Variants in DLGAP2 observed in about 807,000 individuals in gnomAD.
DLGAP2 encodes disks large-associated protein 2.
DLGAP2 carries 26 observed loss-of-function variants against 100.3 expected under a neutral mutation model. The ratio of observed to expected loss-of-function variants is 0.26; its 90% CI spans 0.19 to 0.36. The LOEUF is 0.36. Among genes scored for constraint, DLGAP2 ranks in the 10% least tolerant of loss-of-function variants. The pLI is 1.00. For missense variants in DLGAP2, 1,858 were observed against 1,453.2 expected, an observed-to-expected ratio of 1.28 and a Z score of -4.53; for synonymous variants, 886 against 630.1, an observed-to-expected ratio of 1.41 and a Z score of -6.08.
intron 4 of DLGAP2, 64 bp downstream of exon 4, chr8:1,501,495 C>T: frequency 6.8e-7 from 1 of 1,474,482 alleles, no homozygotes. Context: ...GCTCCGGGCA[C>T]CTCCCATCAT....
At chr8:1,022,843 G>C (rs1165949717) in intron 2 of DLGAP2, among the ~76,000 whole-genome samples, 1 of 152,196 alleles carries the variant, frequency 6.6e-6, no homozygotes, top group Non-Finnish European at 1.5e-5. Context: ...TGCCGAGGTA[G>C]ACACTCCTTC....
chr8:761,474 T>A (rs975528345), intron 1 of DLGAP2, among the ~76,000 whole-genome samples: 24 of 152,226 alleles, frequency 1.6e-4, no homozygotes, highest in African/African-American at 5.8e-4. Context: ...TTCTGTAAGA[T>A]TGTAGTTTTT....
intron 3 of DLGAP2, among the ~76,000 whole-genome samples, chr8:1,458,034 A>G (rs1176610669): frequency 7.0e-6 from 1 of 143,246 alleles, no homozygotes; most frequent in Non-Finnish European, 1.5e-5. Context: ...ATGTGTGTAT[A>G]TATAATTATA....
intron 3 of DLGAP2, among the ~76,000 whole-genome samples, chr8:1,268,462 G>T (rs1157516417): frequency 6.6e-6 from 1 of 152,228 alleles, no homozygotes; most frequent in East Asian, 1.9e-4. Flanking sequence ...ATTTAATGTG[G>T]GATAGCGTCT....
intron 2 of DLGAP2, among the ~76,000 whole-genome samples, chr8:941,577 T>C (rs530902065): frequency 9.2e-5 from 14 of 152,268 alleles, no homozygotes; most frequent in South Asian, 6.2e-4. Context: ...ACAGGCGCTA[T>C]TGGAAAAAAT....
intron 6 of DLGAP2, among the ~76,000 whole-genome samples, chr8:1,591,840 C>T (rs952363981): frequency 6.6e-6 from 1 of 152,166 alleles, no homozygotes; most frequent in Non-Finnish European, 1.5e-5. Flanking sequence ...CTGAAGCCCT[C>T]GCTTGGCCTC....
chr8:1,001,170 A>G (rs1471866369), intron 2 of DLGAP2, among the ~76,000 whole-genome samples: 1 of 152,142 alleles, frequency 6.6e-6, no homozygotes, highest in Non-Finnish European at 1.5e-5. Context: ...GCTTGCTGCT[A>G]TAGATAATGT....
At chr8:1,287,150 G>GTGTGCGCGCGCGCGCGCGTGATTC (rs1799940012) in intron 3 of DLGAP2, among the ~76,000 whole-genome samples, 1 of 131,964 alleles carries the variant, frequency 7.6e-6, no homozygotes, top group Non-Finnish European at 1.7e-5. Context: ...GTGTGTGTGT[G>GTGTGCGCGCGCGCGCGCGTGATTC]TGTGTGTGCG....
At chr8:1,362,154 G>T (rs187548493) in intron 3 of DLGAP2, among the ~76,000 whole-genome samples, 2 of 152,312 alleles carry the variant, frequency 1.3e-5, no homozygotes, top group East Asian at 3.9e-4. Flanking sequence ...TGAGGCATCC[G>T]CAGCGCCGTC....
At chr8:1,163,932 T>C (rs1796942339) in intron 2 of DLGAP2, among the ~76,000 whole-genome samples, 1 of 152,328 alleles carries the variant, frequency 6.6e-6, no homozygotes, top group South Asian at 2.1e-4. Context: ...CCTGGCTTCC[T>C]CCGGGTGAGG....
chr8:792,995 G>A (rs1795949087), intron 1 of DLGAP2, among the ~76,000 whole-genome samples: 1 of 152,190 alleles, frequency 6.6e-6, no homozygotes. Flanking sequence ...ATGCTGAGAT[G>A]ATGTGAGCTT....
chr8:1,694,411 C>T (rs1358799542), intron 13 of DLGAP2, among the ~76,000 whole-genome samples: 4 of 152,182 alleles, frequency 2.6e-5, no homozygotes, highest in South Asian at 2.1e-4. Context: ...AACCCCAGCC[C>T]GAGATTGAGG....
chr8:1,357,105 C>A (rs79129839), intron 3 of DLGAP2, among the ~76,000 whole-genome samples: 2,022 of 152,084 alleles, frequency 0.013, 30 homozygotes, highest in Non-Finnish European at 0.018. Context: ...ATGAGCCACC[C>A]AAAACTAATA....
intron 3 of DLGAP2, among the ~76,000 whole-genome samples, chr8:1,449,748 G>C (rs1243420496): frequency 2.6e-5 from 4 of 152,198 alleles, no homozygotes; most frequent in African/African-American, 9.7e-5. Context: ...TGCAGGATGC[G>C]AATGGGAGAG....
Position 899,734 on chromosome 8 carries a change from T to C in DLGAP2, c.19-8178T>C, listed in dbSNP as rs188246875. On this transcript the variant is annotated intron_variant, in intron 1 of 14. Coordinates refer to ENST00000637795, the MANE Select transcript of DLGAP2 (RefSeq NM_001346810.2). Reference sequence around the variant, plus strand: ...GCAGTTTCTTCTAGGTTGAATTAGCTGGAAAGAATTAATTGAGTATATATT... The same window carrying C: ...GCAGTTTCTTCTAGGTTGAATTAGCCGGAAAGAATTAATTGAGTATATATT... Among the ~76,000 whole-genome samples the C allele has an allele frequency of 1.9e-3, 297 of 152,348 alleles. 1 individual carries two copies. The highest frequency in any genetic ancestry group is 0.017 in the Admixed American group (256 of 15,312).
chr8:1,479,889 G>A (rs1048359851), intron 3 of DLGAP2, among the ~76,000 whole-genome samples: 5 of 152,132 alleles, frequency 3.3e-5, no homozygotes, highest in African/African-American at 9.7e-5. Context: ...TATTTACCCC[G>A]GTGGGATTCA....
chr8:1,631,250 C>T (rs1585014684), intron 7 of DLGAP2, among the ~76,000 whole-genome samples: 1 of 152,046 alleles, frequency 6.6e-6, no homozygotes, highest in African/African-American at 2.4e-5. Context: ...TTGTGAAATG[C>T]ACATACCAGG....
intron 1 of DLGAP2, among the ~76,000 whole-genome samples, chr8:847,128 A>G (rs896331106): frequency 3.9e-5 from 6 of 152,198 alleles, no homozygotes; most frequent in African/African-American, 1.2e-4. Context: ...CTTTGTGGAA[A>G]GATTTTAAAC....
intron 2 of DLGAP2, among the ~76,000 whole-genome samples, chr8:1,245,046 C>G (rs1798875238): frequency 6.6e-6 from 1 of 152,168 alleles, no homozygotes; most frequent in Non-Finnish European, 1.5e-5. Context: ...CAATGAGACA[C>G]CATTGCCCAC....
Sources: gnomAD v4.1 joint callset for allele counts (sites outside exome capture counted in the v4.1 genomes callset) on GRCh38, gnomAD v4.1.1 for gene constraint, MANE v1.5 for transcripts, NCBI Gene and HGNC (gene_info 2026-07-23, HGNC 2026-07-21) for gene names.